Variants in DEF8 observed in about 807,000 individuals in gnomAD.
DEF8 encodes the protein differentially expressed in FDCP 8 homolog, also known as DEF-8.
In DEF8, 38 loss-of-function variants were observed where a neutral mutation model predicts 59.1. The ratio of observed to expected loss-of-function variants is 0.64; its 90% CI spans 0.50 to 0.84. DEF8 has a LOEUF of 0.84. Ranked by LOEUF, DEF8 falls within the 40% of genes least tolerant of loss-of-function variation. DEF8 has a pLI of 0.00. For missense variants in DEF8, 557 were observed against 615.2 expected, an observed-to-expected ratio of 0.91 and a Z score of 1.00; for synonymous variants, 265 against 250.1, an observed-to-expected ratio of 1.06 and a Z score of -0.56.
At chr16:89,955,835 G>C (rs1038058812) in intron 4 of DEF8, among the ~76,000 whole-genome samples, 1 of 152,234 alleles carries the variant, frequency 6.6e-6, no homozygotes, top group African/African-American at 2.4e-5. Context: ...CACTTTGGGA[G>C]GCTGAGGCGG....
intron 2 of DEF8, among the ~76,000 whole-genome samples, chr16:89,953,228 C>T (rs1051601338): frequency 1.3e-5 from 2 of 152,200 alleles, no homozygotes; most frequent in Non-Finnish European, 2.9e-5. Flanking sequence ...TTACTTTGTG[C>T]TCAGTCTCTG....
At chr16:89,959,461 T>C (rs1171427916) in intron 6 of DEF8, 2 of 771,166 alleles carry the variant, frequency 2.6e-6, no homozygotes, top group East Asian at 6.6e-5. Flanking sequence ...TGTAAAGGCA[T>C]CACGTGACTT....
rs546430373 is a variant in DEF8, at chr16:89,957,967, C to T, written c.372+307C>T. On this transcript the variant is annotated intron_variant, in intron 5 of 12. Coordinates refer to ENST00000563594, the MANE Select transcript of DEF8 (RefSeq NM_001242818.2). ...AGATCCTCCAGTGTCAGGAATCTTG[C>T]TCTCTTCCAACTCGACTTCCTGTGT... The T allele has an allele frequency of 7.6e-4, 170 of 223,924 alleles. 2 individuals are homozygous for T. Among genetic ancestry groups the T allele is most frequent in the Non-Finnish European group, 1.1e-3 (122 of 112,414 alleles). 13.9% of individuals were successfully genotyped at this position (223,924 alleles called of 1,614,324 possible). A position where few individuals can be genotyped will look rare whatever the true frequency, so the allele number is the denominator to read the frequency against.
In DEF8 at chr16:89,961,842, A is replaced by G. The variant is rs2034064666; in HGVS notation, c.785A>G (p.Asn262Ser). ...GTGATCCCTGCACGCGTTGTACACAACTGGGACTTTGAGCCTCGAAAGGTG... is the reference window on the plus strand; with the variant it reads ...GTGATCCCTGCACGCGTTGTACACAGCTGGGACTTTGAGCCTCGAAAGGTG... ...LAVIPARVVH[N>S]WDFEPRKVSR... Residue 262 changes from asparagine to serine, a missense_variant, in exon 8 of 13, where the codon AAC (asparagine) becomes AGC (serine). Transcript: ENST00000563594. 1 of 1,606,554 alleles carries G rather than the reference A, an allele frequency of 6.2e-7. No individual in the cohort carries two copies. Among genetic ancestry groups the G allele is most frequent in the Non-Finnish European group, 8.5e-7 (1 of 1,175,346 alleles).
In DEF8 at chr16:89,962,354, T is replaced by C. The variant is rs906282874; in HGVS notation, c.921+229T>C. Reference sequence around the variant, plus strand: ...GTGAACACAATATTAAATTTTGTAATAGCCACGTTAAAAAAGTAAAAAGAG... The same window carrying C: ...GTGAACACAATATTAAATTTTGTAACAGCCACGTTAAAAAAGTAAAAAGAG... On this transcript the variant is annotated intron_variant, in intron 9 of 12. Coordinates refer to ENST00000563594, the MANE Select transcript of DEF8 (RefSeq NM_001242818.2). 2.6e-5 allele frequency among the ~76,000 whole-genome samples: 4 copies of C among 152,300 alleles called. 1 individual carries two copies. Among genetic ancestry groups the C allele is most frequent in the Middle Eastern group, 6.8e-3 (2 of 294 alleles).
At chr16:89,957,444 G>T in intron 4 of DEF8, 67 bp from the exon 5 acceptor site, 1 of 1,499,710 alleles carries the variant, frequency 6.7e-7, no homozygotes. Flanking sequence ...CTGTCTCGGC[G>T]GATGGGCCTT....
Position 89,949,417 on chromosome 16 carries a change from C to A in DEF8, c.-107C>A, listed in dbSNP as rs752925783. On this transcript the variant is annotated splice_region_variant and 5_prime_UTR_variant, in exon 2 of 13. Coordinates refer to ENST00000563594, the MANE Select transcript of DEF8 (RefSeq NM_001242818.2). ...GTGCTGGGGTGGCTTCTCCCTGCAGCAGGTGCCGAACCCACGGCCAGGCTT... is the reference window on the plus strand; with the variant it reads ...GTGCTGGGGTGGCTTCTCCCTGCAGAAGGTGCCGAACCCACGGCCAGGCTT... 1.9e-6 allele frequency: 3 copies of A among 1,602,684 alleles called. No individual in the cohort carries two copies. Among genetic ancestry groups the A allele is most frequent in the South Asian group, 1.1e-5 (1 of 90,822 alleles).
chr16:89,963,370 G>A lies in DEF8; in HGVS notation c.929G>A (p.Arg310His), dbSNP rs1471775603. The change falls in exon 10 of 13, where the codon CGC becomes CAC. Residue 310 changes from arginine (R) to histidine (H), a missense_variant. Physicochemically the swap from Arg to His is conservative, Grantham distance 29. Coordinates refer to ENST00000563594, the MANE Select transcript of DEF8 (RefSeq NM_001242818.2). ...VEELVEIRKL[R>H]QDILLMKPYF... ...CTCCCGCCTTGTTTGCAGAAGCTGC[G>A]CCAGGACATCCTGCTCATGAAGCCG... 2.5e-6 allele frequency: 4 copies of A among 1,613,418 alleles called. No individual in the cohort carries two copies. Among genetic ancestry groups the A allele is most frequent in the African/African-American group, 1.3e-5 (1 of 74,866 alleles).
chr16:89,949,101 C>T (rs1171059060), intron 1 of DEF8, among the ~76,000 whole-genome samples: 1 of 63,370 alleles, frequency 1.6e-5, no homozygotes, highest in Non-Finnish European at 3.2e-5. Flanking sequence ...GGGACGGGGC[C>T]GGCGAGGTCG....
intron 8 of DEF8, 70 bp from the exon 9 acceptor site, chr16:89,961,942 C>A: frequency 6.2e-7 from 1 of 1,605,928 alleles, no homozygotes; most frequent in Non-Finnish European, 8.5e-7. Flanking sequence ...CGGTGTACCC[C>A]TGGTTGGGTG....
chr16:89,963,505 A>C, intron 10 of DEF8, 62 bp downstream of exon 10: 4 of 1,477,172 alleles, frequency 2.7e-6, no homozygotes, highest in Non-Finnish European at 3.7e-6. Flanking sequence ...GAGGCACCTC[A>C]GGCTCAGGTT....
chr16:89,959,389 G>A, intron 6 of DEF8: 1 of 1,403,424 alleles, frequency 7.1e-7, no homozygotes, highest in Non-Finnish European at 9.3e-7. Flanking sequence ...TTTGTACAAT[G>A]AAGAAAAAGG....
chr16:89,959,369 G>A (rs1295595173), intron 6 of DEF8: 17 of 1,433,384 alleles, frequency 1.2e-5, no homozygotes, highest in Admixed American at 2.8e-5. Flanking sequence ...GAATTACATG[G>A]TGTGTCTAGT....
Position 89,961,114 on chromosome 16 carries a change from A to G in DEF8, c.679+19A>G. On this transcript the variant is annotated intron_variant, in intron 7 of 12. Transcript: ENST00000563594. ...TCTCTGCGTGAGTGGTGGCAGGGAG[A>G]GAAGAGGGTGAGGGAGCTGTTCCTG... is the stretch of plus-strand genomic sequence containing the variant. The G allele has an allele frequency of 6.2e-7, 1 of 1,604,216 alleles. No homozygotes were observed. Among genetic ancestry groups the G allele is most frequent in the Middle Eastern group, 1.7e-4 (1 of 6,022 alleles).
In DEF8 at chr16:89,965,986, C is replaced by T. The variant is rs773109353; in HGVS notation, c.*23C>T. The T allele has an allele frequency of 1.9e-6, 3 of 1,567,114 alleles. No individual in the cohort carries two copies. Among genetic ancestry groups the T allele is most frequent in the Non-Finnish European group, 2.6e-6 (3 of 1,142,654 alleles). ...TAGCGCCGAGGAACAGTGCTGGGCA[C>T]CCCGCCTGGCCCGCCAGGACCCACC... On this transcript the variant is annotated 3_prime_UTR_variant, in exon 13 of 13. Transcript: ENST00000563594.
rs144387770 is a variant in DEF8, at chr16:89,964,233, G to A, written c.1066G>A (p.Val356Met). The A allele has an allele frequency of 3.2e-4, 509 of 1,613,412 alleles. No homozygotes were observed. The African/African-American group carries it at 6.1e-3, about 19-fold the overall frequency. Residue 356 changes from valine to methionine, a missense_variant, in exon 11 of 13, where the codon GTG (valine) becomes ATG (methionine). By Grantham distance (21) the Val-to-Met change is conservative. Transcript: ENST00000563594. Reference protein sequence around the residue: ...EMYSVQDLLDVHAGRLGCSLT... With the variant: ...EMYSVQDLLDMHAGRLGCSLT... ...GTACTCTGTCCAGGACCTCCTGGACGTGCATGCCGGCCGCCTGGGCTGCTC... is the reference window on the plus strand; with the variant it reads ...GTACTCTGTCCAGGACCTCCTGGACATGCATGCCGGCCGCCTGGGCTGCTC...
Position 89,953,381 on chromosome 16 carries a change from C to T in DEF8, c.-10-862C>T, listed in dbSNP as rs72813455. On this transcript the variant is annotated intron_variant, in intron 2 of 12. Coordinates refer to ENST00000563594, the MANE Select transcript of DEF8 (RefSeq NM_001242818.2). Reference sequence around the variant, plus strand: ...CACCCCAACCAAAGTCCCTTCCTCCCTGCCAGGAGCCATCAGCCCTGTGTG... The same window carrying T: ...CACCCCAACCAAAGTCCCTTCCTCCTTGCCAGGAGCCATCAGCCCTGTGTG... Among the ~76,000 whole-genome samples the T allele has an allele frequency of 7.5e-3, 1,148 of 152,278 alleles. 6 individuals are homozygous for T. The highest frequency in any genetic ancestry group is 0.013 in the Non-Finnish European group (889 of 68,004).
chr16:89,951,127 G>A (rs2031975056), intron 2 of DEF8, among the ~76,000 whole-genome samples: 1 of 152,202 alleles, frequency 6.6e-6, no homozygotes, highest in Non-Finnish European at 1.5e-5. Context: ...TGAGACATGG[G>A]AGAATGGAGG....
chr16:89,964,037 C>T (rs758711802), intron 10 of DEF8, 133 bp from the exon 11 acceptor site: 5 of 1,243,552 alleles, frequency 4.0e-6, no homozygotes, highest in South Asian at 2.4e-5. Flanking sequence ...CTGGATTCTA[C>T]TCCTGGGGCC....
Sources: gnomAD v4.1 joint callset for allele counts (sites outside exome capture counted in the v4.1 genomes callset) on GRCh38, gnomAD v4.1.1 for gene constraint, MANE v1.5 for transcripts, NCBI Gene and HGNC (gene_info 2026-07-23, HGNC 2026-07-21) for gene names.